The following ATP10B variants were observed in gnomAD, a reference collection of about 807,000 sequenced individuals.
ATP10B encodes the protein ATPase phospholipid transporting 10B (putative), also known as phospholipid-transporting ATPase VB.
In ATP10B, 122 loss-of-function variants were observed where a neutral mutation model predicts 141.2. That is an observed-to-expected ratio of 0.86 (90% CI 0.75 to 1.00). The LOEUF (loss-of-function observed/expected upper bound fraction) is 1.00. Ranked by LOEUF, ATP10B falls within the 50% of genes least tolerant of loss-of-function variation. The pLI, the probability that ATP10B is intolerant of heterozygous loss-of-function variation, is 0.00. For synonymous variants in ATP10B, 685 were observed against 692.0 expected, an observed-to-expected ratio of 0.99 and a Z score of 0.16; for missense variants, 1,876 against 1,825.3, an observed-to-expected ratio of 1.03 and a Z score of -0.51.
the ATP10B span, among the ~76,000 whole-genome samples, chr5:160,899,112 C>G: frequency 8.5e-5 from 13 of 152,058 alleles, no homozygotes; most frequent in Non-Finnish European, 1.8e-4. Context: ...CCTGCACATT[C>G]TGCACATATA....
chr5:160,566,194 A>T (rs991446790), intron 25 of ATP10B, among the ~76,000 whole-genome samples: 6 of 152,176 alleles, frequency 3.9e-5, no homozygotes, highest in African/African-American at 1.4e-4. Context: ...TTTGCCTCTG[A>T]GTACACTTGA....
chr5:160,791,905 T>C (rs1771598268), intron 1 of ATP10B, among the ~76,000 whole-genome samples: 1 of 152,000 alleles, frequency 6.6e-6, no homozygotes. Flanking sequence ...TACTGGATGG[T>C]TCTCAAAGGG....
chr5:160,766,155 A>G (rs899355091), intron 2 of ATP10B, among the ~76,000 whole-genome samples: 1 of 82,806 alleles, frequency 1.2e-5, no homozygotes, highest in Admixed American at 1.4e-4. Flanking sequence ...AGATTCCTTA[A>G]AGAACTAAAG....
chr5:160,666,316 T>C (rs1762313155), intron 7 of ATP10B, among the ~76,000 whole-genome samples: 1 of 152,140 alleles, frequency 6.6e-6, no homozygotes, highest in African/African-American at 2.4e-5. Flanking sequence ...TACAGAAGGA[T>C]GCATATATAT....
intron 3 of ATP10B, among the ~76,000 whole-genome samples, chr5:160,707,251 C>T (rs1246320000): frequency 2.0e-5 from 3 of 152,154 alleles, no homozygotes; most frequent in Non-Finnish European, 4.4e-5. Flanking sequence ...GTGCCCAGCC[C>T]TCTTTATTCT....
At chr5:160,709,766 C>T (rs1174845995) in intron 3 of ATP10B, among the ~76,000 whole-genome samples, 9 of 101,770 alleles carry the variant, frequency 8.8e-5, no homozygotes, top group Admixed American at 1.9e-4. Context: ...CCCCCTCCCC[C>T]GACCCCACCA....
chr5:160,705,722 G>GT (rs1764976221), intron 3 of ATP10B, among the ~76,000 whole-genome samples: 1 of 152,162 alleles, frequency 6.6e-6, no homozygotes, highest in Non-Finnish European at 1.5e-5. Flanking sequence ...CAATAAGGCT[G>GT]TTTTGCTTTC....
intron 1 of ATP10B, among the ~76,000 whole-genome samples, chr5:160,808,244 AAAG>A (rs1017967408): frequency 3.9e-4 from 59 of 152,314 alleles, no homozygotes; most frequent in African/African-American, 1.4e-3. Flanking sequence ...TGTAAGAAAA[AAAG>A]AAGACTTTGG....
intron 6 of ATP10B, among the ~76,000 whole-genome samples, chr5:160,674,687 C>T (rs1365503421): frequency 6.6e-6 from 1 of 151,828 alleles, no homozygotes; most frequent in Non-Finnish European, 1.5e-5. Flanking sequence ...CAAACAGAAG[C>T]ACACATACCT....
chr5:160,832,501 A>C (rs1330975669), intron 1 of ATP10B, among the ~76,000 whole-genome samples: 2 of 152,152 alleles, frequency 1.3e-5, no homozygotes, highest in African/African-American at 4.8e-5. Context: ...ATTTACACAC[A>C]TATGCCCACA....
intron 10 of ATP10B, 25 bp from the exon 11 acceptor site, chr5:160,636,334 G>A (rs1219829001): frequency 2.5e-5 from 40 of 1,609,018 alleles, no homozygotes; most frequent in Non-Finnish European, 3.1e-5. Context: ...AACCAGGAAT[G>A]AGGCTGAATC....
At chr5:160,636,065 C>T in intron 11 of ATP10B, 117 bp downstream of exon 11, 2 of 1,189,012 alleles carry the variant, frequency 1.7e-6, no homozygotes, top group Non-Finnish European at 2.3e-6. Flanking sequence ...ACCATCTCCT[C>T]ATCTCAATCC....
chr5:160,871,019 A>G, the ATP10B span, among the ~76,000 whole-genome samples: 3 of 21,838 alleles, frequency 1.4e-4, no homozygotes, highest in Non-Finnish European at 3.1e-4. Flanking sequence ...GCCTTTCTCA[A>G]ACAAAAATTG....
chr5:160,754,312 T>C (rs1317203676), intron 2 of ATP10B, among the ~76,000 whole-genome samples: 1 of 152,206 alleles, frequency 6.6e-6, no homozygotes, highest in Non-Finnish European at 1.5e-5. Context: ...GAAGAGACTT[T>C]CTGGGAAATA....
the ATP10B span, among the ~76,000 whole-genome samples, chr5:160,907,594 C>T: frequency 1.3e-5 from 2 of 152,076 alleles, no homozygotes; most frequent in Admixed American, 1.3e-4. Flanking sequence ...CTTCTGGGCT[C>T]AAGCAATCCT....
chr5:160,879,983 A>G, the ATP10B span, among the ~76,000 whole-genome samples: 1 of 151,970 alleles, frequency 6.6e-6, no homozygotes, highest in African/African-American at 2.4e-5. Flanking sequence ...TTCAAAACAC[A>G]GCAAACACCA....
intron 2 of ATP10B, among the ~76,000 whole-genome samples, chr5:160,756,391 G>A (rs1448156529): frequency 6.6e-6 from 1 of 152,098 alleles, no homozygotes; most frequent in Non-Finnish European, 1.5e-5. Flanking sequence ...TAAATACTTA[G>A]GAGGGCAATG....
chr5:160,569,717 T>C, intron 24 of ATP10B, 34 bp from the exon 25 acceptor site: 3 of 1,477,464 alleles, frequency 2.0e-6, no homozygotes, highest in Non-Finnish European at 2.7e-6. Context: ...CTGTTGAAGG[T>C]ATAGCTGAGA....
intron 2 of ATP10B, among the ~76,000 whole-genome samples, chr5:160,719,887 A>ATAT (rs1765893618): frequency 6.6e-6 from 1 of 152,214 alleles, no homozygotes; most frequent in Admixed American, 6.5e-5. Context: ...GGCAGGATTT[A>ATAT]TATGCAGGTC....
Sources: gnomAD v4.1 joint callset for allele counts (sites outside exome capture counted in the v4.1 genomes callset) on GRCh38, gnomAD v4.1.1 for gene constraint, MANE v1.5 for transcripts, NCBI Gene and HGNC (gene_info 2026-07-23, HGNC 2026-07-21) for gene names.